VPS13B: variants seen among roughly 807,000 people sequenced by gnomAD.
VPS13B encodes vacuolar protein sorting 13 homolog B.
In VPS13B, 285 loss-of-function variants were observed where a neutral mutation model predicts 426.4. That is an observed-to-expected ratio of 0.67 (90% confidence interval 0.61 to 0.74). VPS13B has a LOEUF of 0.74. Among genes scored for constraint, VPS13B ranks in the 30% least tolerant of loss-of-function variants. The pLI is 0.00. For missense variants in VPS13B, 4,537 were observed against 4,782.6 expected (o/e 0.95, Z 1.51); for synonymous variants, 1,676 against 1,676.4 (o/e 1.00, Z 0.01).
chr8:99,496,418 G>A (rs945254489), intron 25 of VPS13B, among the ~76,000 whole-genome samples: 1 of 152,166 alleles, frequency 6.6e-6, no homozygotes, highest in African/African-American at 2.4e-5. Context: ...TTGGGAGGCT[G>A]AGGCGGGTAG....
At chr8:99,871,056 G>A (rs1013167894) in intron 60 of VPS13B, 169 bp downstream of exon 60, 2 of 720,400 alleles carry the variant, frequency 2.8e-6, no homozygotes, top group African/African-American at 1.8e-5. Flanking sequence ...GGAAGAGGCT[G>A]CTGTTGCCAG....
At chr8:99,429,983 T>A (rs928161296) in intron 21 of VPS13B, among the ~76,000 whole-genome samples, 4 of 152,150 alleles carry the variant, frequency 2.6e-5, no homozygotes, top group African/African-American at 9.7e-5. Context: ...AAGCCATCTT[T>A]GCCTCCATAC....
At chr8:99,222,652 G>A (rs1439844776) in intron 17 of VPS13B, among the ~76,000 whole-genome samples, 1 of 152,140 alleles carries the variant, frequency 6.6e-6, no homozygotes, top group Non-Finnish European at 1.5e-5. Flanking sequence ...ATTATTCATC[G>A]TATGACATTG....
chr8:99,267,386 T>G (rs7005264), intron 17 of VPS13B, among the ~76,000 whole-genome samples: 125,158 of 151,614 alleles, frequency 0.83, 52,169 homozygotes, highest in South Asian at 0.89. Flanking sequence ...CATTCAAGAG[T>G]AGGCAGAACA....
At chr8:99,113,762 G>A (rs976282990) in intron 6 of VPS13B, among the ~76,000 whole-genome samples, 1 of 151,920 alleles carries the variant, frequency 6.6e-6, no homozygotes, top group Admixed American at 6.6e-5. Flanking sequence ...ACAGGGTTTT[G>A]CCCTTTTGGC....
intron 19 of VPS13B, among the ~76,000 whole-genome samples, chr8:99,294,686 T>G (rs1191115193): frequency 6.6e-6 from 1 of 152,204 alleles, no homozygotes; most frequent in African/African-American, 2.4e-5. Context: ...TTCTGGATCT[T>G]AATCTTGGTG....
chr8:99,457,299 T>C (rs1818530036), intron 23 of VPS13B, among the ~76,000 whole-genome samples: 1 of 152,214 alleles, frequency 6.6e-6, no homozygotes. Context: ...CCCTAAGTGC[T>C]GGGATTACAG....
chr8:99,777,093 T>G (rs1353056946), intron 41 of VPS13B, 137 bp downstream of exon 41: 1 of 1,104,176 alleles, frequency 9.1e-7, no homozygotes, highest in Admixed American at 1.8e-5. Flanking sequence ...AAAGTTATCC[T>G]GGGGTTGACT....
chr8:99,408,921 G>A (rs1041820616), intron 21 of VPS13B, among the ~76,000 whole-genome samples: 1 of 152,170 alleles, frequency 6.6e-6, no homozygotes, highest in Non-Finnish European at 1.5e-5. Flanking sequence ...TAAGGATGTG[G>A]AAATGATCAA....
intron 23 of VPS13B, 86 bp downstream of exon 23, chr8:99,442,721 A>G: frequency 7.5e-7 from 1 of 1,342,232 alleles, no homozygotes; most frequent in Admixed American, 2.0e-5. Context: ...GTCAGTGTAT[A>G]AGCAAATCAG....
chr8:99,656,277 A>G (rs757474944), intron 34 of VPS13B, among the ~76,000 whole-genome samples: 16 of 152,148 alleles, frequency 1.1e-4, no homozygotes, highest in Non-Finnish European at 4.4e-5. Flanking sequence ...ATTCTGACAC[A>G]TTTCCTACCT....
chr8:99,131,055 T>C (rs1809768714), intron 8 of VPS13B, among the ~76,000 whole-genome samples: 1 of 152,198 alleles, frequency 6.6e-6, no homozygotes. Flanking sequence ...TGAATATATC[T>C]ATGTCGTAAG....
chr8:99,503,547 T>TA (rs1821346836), intron 27 of VPS13B, among the ~76,000 whole-genome samples: 1 of 152,176 alleles, frequency 6.6e-6, no homozygotes, highest in Admixed American at 6.5e-5. Context: ...GCTGCTGCTG[T>TA]AAAAAATGAG....
At chr8:99,610,003 C>G (rs1381916861) in intron 33 of VPS13B, among the ~76,000 whole-genome samples, 1 of 152,166 alleles carries the variant, frequency 6.6e-6, no homozygotes, top group Non-Finnish European at 1.5e-5. Flanking sequence ...ATCTGTGGAC[C>G]ATGCTTTCAC....
intron 22 of VPS13B, among the ~76,000 whole-genome samples, chr8:99,438,132 G>A (rs1156631158): frequency 6.7e-6 from 1 of 148,642 alleles, no homozygotes; most frequent in Non-Finnish European, 1.5e-5. Flanking sequence ...AAGCATTCTG[G>A]TCTCTTTCTT....
chr8:99,438,154 G>A (rs1817492658), intron 22 of VPS13B, among the ~76,000 whole-genome samples: 1 of 146,200 alleles, frequency 6.8e-6, no homozygotes, highest in Non-Finnish European at 1.5e-5. Context: ...TGGTAATAAT[G>A]CTGTTATTCC....
intron 19 of VPS13B, among the ~76,000 whole-genome samples, chr8:99,342,992 AT>A (rs1811332940): frequency 1.3e-5 from 2 of 151,506 alleles, no homozygotes; most frequent in Admixed American, 1.3e-4. Flanking sequence ...TTCCCTATTG[AT>A]TAGTGATGCT....
At chr8:99,445,926 C>T (rs561248815) in intron 23 of VPS13B, among the ~76,000 whole-genome samples, 1 of 152,320 alleles carries the variant, frequency 6.6e-6, no homozygotes, top group South Asian at 2.1e-4. Flanking sequence ...TATTTTGTTT[C>T]ATTAGCTATA....
intron 54 of VPS13B, among the ~76,000 whole-genome samples, chr8:99,846,083 A>G (rs60279265): frequency 0.035 from 5,363 of 152,310 alleles, 300 homozygotes; most frequent in African/African-American, 0.12. Flanking sequence ...TGTGGACACT[A>G]GAAGTCAATA....
Sources: gnomAD v4.1 joint callset for allele counts (sites outside exome capture counted in the v4.1 genomes callset) on GRCh38, gnomAD v4.1.1 for gene constraint, MANE v1.5 for transcripts, NCBI Gene and HGNC (gene_info 2026-07-23, HGNC 2026-07-21) for gene names.